The following RNGTT variants were observed in gnomAD, a reference collection of about 807,000 sequenced individuals.
RNGTT encodes the protein RNA guanylyltransferase and 5'-phosphatase, also known as mRNA-capping enzyme.
RNGTT carries 33 observed loss-of-function variants against 79.3 expected under a neutral mutation model. The ratio of observed to expected loss-of-function variants is 0.42; its 90% CI spans 0.32 to 0.56. The LOEUF (loss-of-function observed/expected upper bound fraction) is 0.56, where lower values mean the gene tolerates loss of function less well. RNGTT is among the 20% of genes least tolerant of loss of function. The pLI is 0.17. For missense variants in RNGTT, 497 were observed against 739.1 expected (o/e 0.67, Z 3.80); for synonymous variants, 222 against 235.9 (o/e 0.94, Z 0.54).
chr6:88,949,160 A>AAAAAAAAAAAAAAAAAAAG (rs1785150578), intron 1 of RNGTT, among the ~76,000 whole-genome samples: 2 of 35,070 alleles, frequency 5.7e-5, no homozygotes, highest in Non-Finnish European at 9.8e-5. Context: ...AAATAAAATG[A>AAAAAAAAAAAAAAAAAAAG]AAAAAAAAAA....
intron 11 of RNGTT, among the ~76,000 whole-genome samples, chr6:88,829,558 C>T (rs538388196): frequency 2.2e-4 from 33 of 151,922 alleles, no homozygotes; most frequent in Admixed American, 5.9e-4. Flanking sequence ...GCTAAATGCC[C>T]CAAATAAAAG....
At chr6:88,941,663 A>T (rs1007488956) in intron 1 of RNGTT, among the ~76,000 whole-genome samples, 1 of 148,060 alleles carries the variant, frequency 6.8e-6, no homozygotes. Context: ...ACTACCCTAC[A>T]TCTTTTTTTT....
At chr6:88,671,585 C>A (rs537051806) in intron 14 of RNGTT, among the ~76,000 whole-genome samples, 3 of 152,050 alleles carry the variant, frequency 2.0e-5, no homozygotes, top group Admixed American at 2.0e-4. Context: ...TCATTCTTCA[C>A]AGAACTAGAA....
chr6:88,861,430 T>C (rs1478668470), intron 8 of RNGTT, among the ~76,000 whole-genome samples: 1 of 152,184 alleles, frequency 6.6e-6, no homozygotes, highest in African/African-American at 2.4e-5. Context: ...ACACTTTGCC[T>C]GTTTCTCTCA....
chr6:88,751,818 CAG>C, intron 13 of RNGTT, among the ~76,000 whole-genome samples: 1 of 152,024 alleles, frequency 6.6e-6, no homozygotes, highest in African/African-American at 2.4e-5. Flanking sequence ...TTTTTTTAAA[CAG>C]AGGTCATAGA....
chr6:88,625,374 A>G (rs576808019), intron 14 of RNGTT, among the ~76,000 whole-genome samples: 1 of 152,136 alleles, frequency 6.6e-6, no homozygotes, highest in South Asian at 2.1e-4. Flanking sequence ...TATAGCCATA[A>G]AATGAAATAC....
chr6:88,677,382 T>C lies in RNGTT; in HGVS notation c.1506+971A>G, dbSNP rs115635865. ...TGAATGTTAATTATCTTGATTGCAGTGATGGTTTCACAACTACAAGCATGT... is the reference window on the plus strand; with the variant it reads ...TGAATGTTAATTATCTTGATTGCAGCGATGGTTTCACAACTACAAGCATGT... On this transcript the variant is annotated intron_variant, in intron 14 of 15. Coordinates refer to ENST00000369485, the MANE Select transcript of RNGTT (RefSeq NM_003800.5). Among the ~76,000 whole-genome samples, 1,255 of 151,928 alleles carry C rather than the reference T, an allele frequency of 8.3e-3. 19 individuals carry two copies. Among genetic ancestry groups the C allele is most frequent in the African/African-American group, 0.029 (1,182 of 41,404 alleles).
intron 8 of RNGTT, among the ~76,000 whole-genome samples, chr6:88,858,312 A>G (rs903510006): frequency 1.3e-5 from 2 of 152,214 alleles, no homozygotes; most frequent in African/African-American, 2.4e-5. Context: ...TGCTAGGGTT[A>G]TAACAGCAAA....
chr6:88,946,687 G>A (rs956586493), intron 1 of RNGTT, among the ~76,000 whole-genome samples: 3 of 150,184 alleles, frequency 2.0e-5, no homozygotes, highest in Admixed American at 2.0e-4. Context: ...TCTCCCCACG[G>A]TCTCCCTCTC....
rs144963779 is a variant in RNGTT at position 88,611,256 on chromosome 6, T to A, written c.*1463A>T. The A allele has an allele frequency of 6.5e-6, 1 of 152,792 alleles. No individual in the cohort carries two copies. Among genetic ancestry groups the A allele is most frequent in the African/African-American group, 2.4e-5 (1 of 41,594 alleles). 9.5% of individuals were successfully genotyped at this position (152,792 alleles called of 1,614,324 possible). The stretch of plus-strand genomic sequence containing the variant: ...ATACATTTTTGGTTCATCTGTGCTA[T>A]GTCCATATAGAAATCCCGTCAGATA... On this transcript the variant is annotated 3_prime_UTR_variant, in exon 16 of 16. Coordinates refer to ENST00000369485, the MANE Select transcript of RNGTT (RefSeq NM_003800.5).
intron 8 of RNGTT, among the ~76,000 whole-genome samples, chr6:88,870,961 T>G (rs1210057906): frequency 2.6e-5 from 4 of 152,142 alleles, no homozygotes. Context: ...AAATCAAAAG[T>G]GACAATTGTT....
At chr6:88,843,234 T>C (rs1171183452) in intron 11 of RNGTT, among the ~76,000 whole-genome samples, 3 of 151,944 alleles carry the variant, frequency 2.0e-5, no homozygotes, top group African/African-American at 7.2e-5. Flanking sequence ...GGAAAGGAAT[T>C]TGGCAGTAGT....
chr6:88,961,946 GAAC>G (rs957138884), intron 1 of RNGTT, among the ~76,000 whole-genome samples: 2 of 152,100 alleles, frequency 1.3e-5, no homozygotes, highest in East Asian at 1.9e-4. Context: ...GGTATACCCA[GAAC>G]AATAAACTAC....
In RNGTT at chr6:88,963,518, C is replaced by G; in HGVS notation, c.-109G>C. 1 of 1,071,710 alleles carries G rather than the reference C, an allele frequency of 9.3e-7. No homozygotes were observed. The highest frequency in any genetic ancestry group is 1.3e-6 in the Non-Finnish European group (1 of 775,270). 66.4% of individuals were successfully genotyped at this position (1,071,710 alleles called of 1,614,324 possible). A position where few individuals can be genotyped will look rare whatever the true frequency, so the allele number is the denominator to read the frequency against. On this transcript the variant is annotated 5_prime_UTR_variant, in exon 1 of 16. Transcript: ENST00000369485. ...GGGGTCCGAGACACCCGAATCGCAG[C>G]CGTAATCTGAATTCCAACCTCTCCG... is the stretch of plus-strand genomic sequence containing the variant.
At chr6:88,780,808 C>T (rs1434798746) in intron 12 of RNGTT, among the ~76,000 whole-genome samples, 1 of 152,126 alleles carries the variant, frequency 6.6e-6, no homozygotes, top group Non-Finnish European at 1.5e-5. Context: ...AGAAGATGGC[C>T]ATATGCCAAA....
chr6:88,713,569 A>C (rs1776392080), intron 13 of RNGTT, among the ~76,000 whole-genome samples: 2 of 152,196 alleles, frequency 1.3e-5, no homozygotes, highest in African/African-American at 2.4e-5. Context: ...TCAGTGTCTT[A>C]TATTGTGTAT....
intron 8 of RNGTT, among the ~76,000 whole-genome samples, chr6:88,859,830 C>T (rs1000468312): frequency 1.3e-5 from 2 of 152,164 alleles, no homozygotes; most frequent in African/African-American, 4.8e-5. Context: ...AAATTCCTGC[C>T]TGTGCTCCCA....
At chr6:88,719,061 G>A (rs1776619266) in intron 13 of RNGTT, among the ~76,000 whole-genome samples, 1 of 152,108 alleles carries the variant, frequency 6.6e-6, no homozygotes, top group African/African-American at 2.4e-5. Flanking sequence ...TAAGAAAATG[G>A]GCATTAAGAA....
intron 11 of RNGTT, 41 bp downstream of exon 11, chr6:88,844,316 A>C: frequency 6.5e-7 from 1 of 1,538,060 alleles, no homozygotes; most frequent in Non-Finnish European, 8.9e-7. Flanking sequence ...CTGAATTATG[A>C]GACATTATTA....
Sources: gnomAD v4.1 joint callset for allele counts (sites outside exome capture counted in the v4.1 genomes callset) on GRCh38, gnomAD v4.1.1 for gene constraint, MANE v1.5 for transcripts, NCBI Gene and HGNC (gene_info 2026-07-23, HGNC 2026-07-21) for gene names.